Variants in SPARCL1 observed in about 807,000 individuals in gnomAD.
The protein encoded by SPARCL1 is SPARC-like protein 1.
SPARCL1 carries 52 observed loss-of-function variants against 67.1 expected under a neutral mutation model. That is an observed-to-expected ratio of 0.78 (90% CI 0.62 to 0.98). SPARCL1 has a LOEUF of 0.98. SPARCL1 is among the 50% of genes least tolerant of loss of function. The probability of loss-of-function intolerance (pLI) is 0.00; values close to 1 mark genes in which losing one functional copy is unlikely to be tolerated. For missense variants in SPARCL1, 717 were observed against 782.4 expected (o/e 0.92, Z 1.00); for synonymous variants, 226 against 267.8 (o/e 0.84, Z 1.52).
chr4:87,519,261 G>A (rs1032749729), intron 1 of SPARCL1, among the ~76,000 whole-genome samples: 1 of 151,980 alleles, frequency 6.6e-6, no homozygotes, highest in Non-Finnish European at 1.5e-5. Flanking sequence ...TAGTAGAGAC[G>A]GGTTTTCACC....
Position 87,515,691 on chromosome 4 carries a change from A to G in SPARCL1, c.-12+13354T>C, listed in dbSNP as rs75936663. On this transcript the variant is annotated intron_variant, in intron 1 of 10. Coordinates refer to ENST00000282470, the MANE Select transcript of SPARCL1 (RefSeq NM_004684.6). ...ATAGCTAGACAGCATTTTATAGAGA[A>G]CATCCAGCATTTGAATTTCAAATGC... is the stretch of plus-strand genomic sequence containing the variant. Among the ~76,000 whole-genome samples the G allele has an allele frequency of 2.0e-3, 308 of 152,284 alleles. 1 individual carries two copies. The highest frequency in any genetic ancestry group is 7.0e-3 in the African/African-American group (292 of 41,566).
intron 5 of SPARCL1, 113 bp downstream of exon 5, chr4:87,491,505 G>C: frequency 1.2e-6 from 1 of 831,760 alleles, no homozygotes; most frequent in South Asian, 1.3e-5. Flanking sequence ...GGAGGACTGG[G>C]GAGAGAAAAA....
At chr4:87,517,728 AGTT>A (rs1331152715) in intron 1 of SPARCL1, among the ~76,000 whole-genome samples, 6 of 152,312 alleles carry the variant, frequency 3.9e-5, no homozygotes, top group African/African-American at 1.2e-4. Flanking sequence ...AGAGTAAGTC[AGTT>A]GTTAAATTCT....
chr4:87,488,486 C>T (rs544900098), intron 7 of SPARCL1, among the ~76,000 whole-genome samples: 1 of 152,296 alleles, frequency 6.6e-6, no homozygotes, highest in South Asian at 2.1e-4. Flanking sequence ...AGAGGGGTAC[C>T]TGCTAGATGC....
intron 1 of SPARCL1, among the ~76,000 whole-genome samples, chr4:87,511,953 TC>T (rs1725376515): frequency 1.5e-5 from 2 of 133,478 alleles, no homozygotes; most frequent in African/African-American, 2.9e-5. Flanking sequence ...TCCTTTCCTT[TC>T]CTCTTTCTTT....
In SPARCL1 at chr4:87,493,998, G is replaced by T. The variant is rs762084398; in HGVS notation, c.802C>A (p.Gln268Lys). The change falls in exon 4 of 11, where the codon CAA becomes AAA. Residue 268 changes from glutamine to lysine, a missense_variant. By Grantham distance (53) the Gln-to-Lys change is moderately conservative (BLOSUM62 1). Transcript: ENST00000282470. ...ATTTCTGCATTGGAGTTATCTTCTT[G>T]TTCTTGGTTACCCTGATCAAATTCA... is the stretch of plus-strand genomic sequence containing the variant. ...EDEFDQGNQE[Q>K]EDNSNAEMEE... 5.0e-6 allele frequency: 8 copies of T among 1,614,018 alleles called. No homozygotes were observed. The highest frequency in any genetic ancestry group is 6.8e-6 in the Non-Finnish European group (8 of 1,180,020).
chr4:87,521,923 T>A (rs1725834405), intron 1 of SPARCL1, among the ~76,000 whole-genome samples: 1 of 152,218 alleles, frequency 6.6e-6, no homozygotes, highest in Non-Finnish European at 1.5e-5. Context: ...TTCTGGGAAA[T>A]GTAGTAAACA....
intron 1 of SPARCL1, among the ~76,000 whole-genome samples, chr4:87,523,260 CAA>C (rs10632447): frequency 7.1e-6 from 1 of 140,306 alleles, no homozygotes; most frequent in Non-Finnish European, 1.6e-5. Context: ...GACTCTGTCT[CAA>C]AAAAAAAAAA....
chr4:87,506,637 A>G (rs1463713726), intron 1 of SPARCL1, among the ~76,000 whole-genome samples: 1 of 152,162 alleles, frequency 6.6e-6, no homozygotes, highest in Non-Finnish European at 1.5e-5. Context: ...ACTAGAACTC[A>G]ACATCATTGG....
At position 87,480,472 on chromosome 4, in the gene SPARCL1, G is replaced by A. The variant is rs751746827; in HGVS notation, c.1717C>T (p.Pro573Ser). 27 of 1,612,776 alleles carry A rather than the reference G, an allele frequency of 1.7e-5. No homozygotes were observed. Among genetic ancestry groups the A allele is most frequent in the Non-Finnish European group, 2.3e-5 (27 of 1,179,458 alleles). ...AAGTCCCTTAAGAGAAGATCAATGG[G>A]ATGGTCCCCAGCCAAAAGCCTCTTT... ...DEKRLLAGDH[P>S]IDLLLRDFKK... Residue 573 changes from proline to serine, a missense_variant, in exon 9 of 11, where the codon CCC becomes TCC. By Grantham distance (74) the Pro-to-Ser change is moderately conservative. Coordinates refer to ENST00000282470, the MANE Select transcript of SPARCL1 (RefSeq NM_004684.6).
intron 3 of SPARCL1, 134 bp from the exon 4 acceptor site, chr4:87,494,732 C>A (rs3763392): frequency 0.22 from 195,008 of 890,410 alleles, 23,060 homozygotes; most frequent in Admixed American, 0.27. Context: ...ATTCCTCACA[C>A]TCTGTAGCCA....
rs1414083358 is a variant in SPARCL1, at chr4:87,490,775, T to C, written c.1395A>G (p.Thr465=). The stretch of plus-strand genomic sequence containing the variant: ...GAATACTTACTTGATCAAGGGGTTT[T>C]GTTGGAGGACAAGTCACTGGATCCT... ...VCQDPVTCPP[T]KPLDQVCGTD... The change falls in exon 6 of 11, where the codon ACA becomes ACG. Residue 465 remains threonine (T), a synonymous_variant. Coordinates refer to ENST00000282470, the MANE Select transcript of SPARCL1 (RefSeq NM_004684.6). 1 of 1,608,352 alleles carries C rather than the reference T, an allele frequency of 6.2e-7. No homozygotes were observed. Among genetic ancestry groups the C allele is most frequent in the East Asian group, 2.2e-5 (1 of 44,812 alleles).
rs1486396585 is a variant in SPARCL1, at chr4:87,473,703, C to T, written c.*72G>A. 1 of 1,066,816 alleles carries T rather than the reference C, an allele frequency of 9.4e-7. No individual in the cohort carries two copies. Among genetic ancestry groups the T allele is most frequent in the Non-Finnish European group, 1.4e-6 (1 of 723,076 alleles). 66.1% of individuals were successfully genotyped at this position (1,066,816 alleles called of 1,614,324 possible). On this transcript the variant is annotated 3_prime_UTR_variant, in exon 11 of 11. Transcript: ENST00000282470. ...GCTAAATATAAATCTACAAGTATCACAGCTGCATATATTTCTGAAGTGGTT... is the reference window on the plus strand; with the variant it reads ...GCTAAATATAAATCTACAAGTATCATAGCTGCATATATTTCTGAAGTGGTT...
rs80010113 is a variant in SPARCL1, at chr4:87,506,882, A to G, written c.-11-7297T>C. On this transcript the variant is annotated intron_variant, in intron 1 of 10. Transcript: ENST00000282470. The stretch of plus-strand genomic sequence containing the variant: ...TGTTCTGTTTCTCTGGAGAACCTTG[A>G]CTAATAAAACATCTAATTCAGTTTT... 7.8e-3 allele frequency among the ~76,000 whole-genome samples: 1,186 copies of G among 152,208 alleles called. 16 individuals are homozygous for G. The highest frequency in any genetic ancestry group is 0.027 in the African/African-American group (1,101 of 41,514).
intron 1 of SPARCL1, among the ~76,000 whole-genome samples, chr4:87,513,022 A>T (rs998004457): frequency 2.0e-5 from 3 of 152,186 alleles, no homozygotes; most frequent in Non-Finnish European, 2.9e-5. Flanking sequence ...TCTACTATTA[A>T]AGCACATGTG....
rs116367148 is a variant in SPARCL1, at chr4:87,493,885, G to C, written c.915C>G (p.Ile305Met). Residue 305 changes from isoleucine to methionine, a missense_variant, in exon 4 of 11, where the codon ATC becomes ATG. Transcript: ENST00000282470. ...SQEGKTGLEA[I>M]SNHKETEEKT... ...TTTCTTCTGTCTCTTTGTGGTTGCT[G>C]ATAGCTTCTAGGCCAGTTTTACCCT... 3.5e-4 allele frequency: 558 copies of C among 1,614,154 alleles called. 3 individuals carry two copies. The African/African-American group carries it at 6.7e-3, about 19-fold the overall frequency.
chr4:87,475,290 A>G (rs541252713), intron 10 of SPARCL1, among the ~76,000 whole-genome samples: 21 of 151,800 alleles, frequency 1.4e-4, no homozygotes, highest in African/African-American at 5.1e-4. Context: ...TATTTCTTTC[A>G]ACTTCTTTGA....
intron 3 of SPARCL1, 81 bp downstream of exon 3, chr4:87,494,900 A>T: frequency 6.2e-6 from 8 of 1,281,238 alleles, no homozygotes; most frequent in Non-Finnish European, 8.7e-6. Flanking sequence ...CATAAATAAC[A>T]TAATCTCTTT....
intron 1 of SPARCL1, among the ~76,000 whole-genome samples, chr4:87,500,980 T>C (rs1724820339): frequency 6.6e-6 from 1 of 152,250 alleles, no homozygotes; most frequent in Admixed American, 6.5e-5. Context: ...TATTTTGCTT[T>C]GGTTTTGATT....
Sources: allele counts gnomAD v4.1 joint callset (sites outside exome capture counted in the v4.1 genomes callset), GRCh38; gene constraint gnomAD v4.1.1; transcripts MANE v1.5; gene names NCBI Gene and HGNC (gene_info 2026-07-23, HGNC 2026-07-21).